The following MTMR9 variants were observed in gnomAD, a reference collection of about 807,000 sequenced individuals.
The protein encoded by MTMR9 is myotubularin-related protein 9.
Under a neutral mutation model 69.5 loss-of-function variants are expected in MTMR9, and 39 were observed. That is an observed-to-expected ratio of 0.56 (90% CI 0.43 to 0.73). MTMR9 has a LOEUF of 0.73. Ranked by LOEUF, MTMR9 falls within the 30% of genes least tolerant of loss-of-function variation. MTMR9 has a pLI of 0.00. For missense variants in MTMR9, 900 were observed against 671.2 expected (o/e 1.34, Z -3.77); for synonymous variants, 354 against 240.8 (o/e 1.47, Z -4.35).
Position 11,326,473 on chromosome 8 carries a change from T to TTGTTGC in MTMR9, c.*3690_*3691insCTGTTG, listed in dbSNP as rs1200944336. 12 of 135,226 alleles carry TTGTTGC rather than the reference T, an allele frequency of 8.9e-5. No individual in the cohort carries two copies. In the East Asian group the frequency reaches 1.3e-3, roughly 15 times the overall value. 8.4% of individuals were successfully genotyped at this position (135,226 alleles called of 1,614,324 possible). On this transcript the variant is annotated 3_prime_UTR_variant, in exon 10 of 10. Transcript: ENST00000221086. ...ATTCAGTACATCTGATAAAGTTTTG[T>TTGTTGC]TGTTGTTGTTGTTGTTGTTGTTTTA...
the MTMR9 span, among the ~76,000 whole-genome samples, chr8:11,333,553 C>G: frequency 6.6e-6 from 1 of 152,038 alleles, no homozygotes; most frequent in African/African-American, 2.4e-5. Flanking sequence ...AACTTGAACC[C>G]ATATGAAGAA....
At chr8:11,336,999 T>C in the MTMR9 span, among the ~76,000 whole-genome samples, 1 of 152,148 alleles carries the variant, frequency 6.6e-6, no homozygotes, top group African/African-American at 2.4e-5. Context: ...CAGAAGCTGT[T>C]TTTCAAAGAA....
In MTMR9 at chr8:11,285,047, A is replaced by G. The variant is rs778933481; in HGVS notation, c.159A>G (p.Ser53=). 1.9e-6 allele frequency: 3 copies of G among 1,607,852 alleles called. No individual in the cohort carries two copies. Among genetic ancestry groups the G allele is most frequent in the Non-Finnish European group, 2.5e-6 (3 of 1,176,630 alleles). Residue 53 remains serine (S), a synonymous_variant, in exon 1 of 10, where the codon TCA becomes TCG. Transcript: ENST00000221086. The stretch of plus-strand genomic sequence containing the variant: ...CGGAGGAGCTGTGGCTCCTCCATTC[A>G]AACATCGACGCCATCGACAAGCGGT... The part of the protein sequence containing the change: ...DNTEELWLLH[S]NIDAIDKRFV...
chr8:11,316,441 C>G (rs1482721360), intron 7 of MTMR9: 2 of 365,426 alleles, frequency 5.5e-6, no homozygotes, highest in Non-Finnish European at 9.7e-6. Flanking sequence ...TTCCTGTGGT[C>G]ACACCTTAGC....
chr8:11,288,291 A>T (rs1251831178), intron 1 of MTMR9, among the ~76,000 whole-genome samples: 1 of 140,314 alleles, frequency 7.1e-6, no homozygotes, highest in Non-Finnish European at 1.5e-5. Flanking sequence ...AATATAGCAT[A>T]TAATATATAT....
rs188037981 is a variant in MTMR9 at position 11,297,580 on chromosome 8, G to A, written c.291+2278G>A. On this transcript the variant is annotated intron_variant, in intron 2 of 9. Transcript: ENST00000221086. ...ATTGGATTTTCACTGACCAGTCTTCGTTTTTCTTATTCCTTTGTGAGAATT... is the reference window on the plus strand; with the variant it reads ...ATTGGATTTTCACTGACCAGTCTTCATTTTTCTTATTCCTTTGTGAGAATT... Among the ~76,000 whole-genome samples the A allele has an allele frequency of 6.7e-5, 10 of 150,266 alleles. No individual in the cohort carries two copies. In the East Asian group the frequency reaches 2.0e-3, roughly 29 times the overall value.
chr8:11,304,885 C>A lies in MTMR9; in HGVS notation c.462C>A (p.Val154=), dbSNP rs147674248. The A allele has an allele frequency of 3.7e-6, 6 of 1,614,002 alleles. No homozygotes were observed. In the African/African-American group the frequency reaches 8.0e-5, roughly 22 times the overall value. The change falls in exon 4 of 10, where the codon GTC becomes GTA. Residue 154 remains valine, a synonymous_variant. Coordinates refer to ENST00000221086, the MANE Select transcript of MTMR9 (RefSeq NM_015458.4). ...RLSYVNKEFA[V]CPSYPPIVTV... is the part of the protein sequence containing the mutation. ...GCTATGTCAATAAGGAATTTGCTGT[C>A]TGTCCCTCTTACCCACCAATTGTCA...
chr8:11,305,083 C>T, intron 4 of MTMR9, 69 bp downstream of exon 4: 1 of 1,463,546 alleles, frequency 6.8e-7, no homozygotes, highest in East Asian at 2.3e-5. Flanking sequence ...TAGAAATGTT[C>T]CCTTTTGCTC....
downstream of MTMR9, chr8:11,332,223 A>G (rs549676425): frequency 2.7e-6 from 4 of 1,482,790 alleles, no homozygotes; most frequent in Non-Finnish European, 3.6e-6. Flanking sequence ...ATTATAATAA[A>G]TCCTAGGAAA....
At position 11,326,573 on chromosome 8, in the gene MTMR9, T is replaced by G. The variant is rs1778203720; in HGVS notation, c.*3785T>G. On this transcript the variant is annotated 3_prime_UTR_variant, in exon 10 of 10. Transcript: ENST00000221086. The stretch of plus-strand genomic sequence containing the variant: ...TACTATACCTCAAGACCACATAGAT[T>G]AGCTACTGCTTATTCTTTCACATGG... The G allele has an allele frequency of 6.6e-6, 1 of 152,196 alleles. No homozygotes were observed. The highest frequency in any genetic ancestry group is 2.4e-5 in the African/African-American group (1 of 41,438). 9.4% of individuals were successfully genotyped at this position (152,196 alleles called of 1,614,324 possible).
At chr8:11,287,996 C>CATATAATACAT (rs1799239908) in intron 1 of MTMR9, among the ~76,000 whole-genome samples, 1 of 116,934 alleles carries the variant, frequency 8.6e-6, no homozygotes, top group Non-Finnish European at 1.7e-5. Flanking sequence ...ATATATATTA[C>CATATAATACAT]ATATAATACA....
chr8:11,329,445 C>T (rs1385121651), downstream of MTMR9, among the ~76,000 whole-genome samples: 1 of 152,278 alleles, frequency 6.6e-6, no homozygotes, highest in Non-Finnish European at 1.5e-5. Context: ...TGCCGAGTGC[C>T]TGCCATTGCA....
chr8:11,326,633 C>G lies in MTMR9; in HGVS notation c.*3845C>G, dbSNP rs1800941593. Reference sequence around the variant, plus strand: ...GTTCTCCTCCTCCAGACCTAGTATTCTAAGTTATTACCACATAGTATTTTT... The same window carrying G: ...GTTCTCCTCCTCCAGACCTAGTATTGTAAGTTATTACCACATAGTATTTTT... On this transcript the variant is annotated 3_prime_UTR_variant, in exon 10 of 10. Transcript: ENST00000221086. 1 of 152,190 alleles carries G rather than the reference C, an allele frequency of 6.6e-6. No individual in the cohort carries two copies. Among genetic ancestry groups the G allele is most frequent in the African/African-American group, 2.4e-5 (1 of 41,424 alleles). The allele number at this position is 152,190 out of a possible 1,614,324, so 9.4% of individuals were successfully genotyped here. A position where few individuals can be genotyped will look rare whatever the true frequency, so the allele number is the denominator to read the frequency against.
chr8:11,293,496 C>T (rs532917378), intron 1 of MTMR9, among the ~76,000 whole-genome samples: 2 of 152,238 alleles, frequency 1.3e-5, no homozygotes, highest in Admixed American at 6.5e-5. Flanking sequence ...AGGAATGCCC[C>T]GTGGCTTACC....
chr8:11,290,862 C>G lies in MTMR9; in HGVS notation c.183-4332C>G, dbSNP rs1045217000. On this transcript the variant is annotated intron_variant, in intron 1 of 9. Coordinates refer to ENST00000221086, the MANE Select transcript of MTMR9 (RefSeq NM_015458.4). ...CGGATAGTGCTAGTTGCCCCGCTTT[C>G]GTTTTTTTTTTTTTTTTTTAAAGTT... Among the ~76,000 whole-genome samples, 53 of 132,892 alleles carry G rather than the reference C, an allele frequency of 4.0e-4. 1 individual carries two copies. In the South Asian group the frequency reaches 0.013, roughly 32 times the overall value. 87.2% of individuals were successfully genotyped at this position (132,892 alleles called of 152,430 possible).
chr8:11,287,740 A>G (rs1799216668), intron 1 of MTMR9, among the ~76,000 whole-genome samples: 1 of 130,616 alleles, frequency 7.7e-6, no homozygotes, highest in African/African-American at 3.0e-5. Context: ...ATTATATATT[A>G]TTTTCTTATA....
At chr8:11,316,416 C>A in intron 7 of MTMR9, 1 of 321,624 alleles carries the variant, frequency 3.1e-6, no homozygotes, top group Non-Finnish European at 5.6e-6. Context: ...ATGGGATATT[C>A]CAAGGGCAGT....
chr8:11,331,722 G>C (rs762968070), downstream of MTMR9: 1 of 1,611,800 alleles, frequency 6.2e-7, no homozygotes, highest in Non-Finnish European at 8.5e-7. Flanking sequence ...GCTGTCCCTG[G>C]GGCTTCTGGT....
chr8:11,332,659 T>C (rs962410374), downstream of MTMR9, among the ~76,000 whole-genome samples: 1 of 152,036 alleles, frequency 6.6e-6, no homozygotes, highest in Non-Finnish European at 1.5e-5. Context: ...TGGAGTGCAG[T>C]GGCATGATCT....
Sources: allele counts gnomAD v4.1 joint callset (sites outside exome capture counted in the v4.1 genomes callset), GRCh38; gene constraint gnomAD v4.1.1; transcripts MANE v1.5; gene names NCBI Gene and HGNC (gene_info 2026-07-23, HGNC 2026-07-21).